Variants in HSD17B7 observed in about 807,000 individuals in gnomAD.
HSD17B7 encodes the protein hydroxysteroid 17-beta dehydrogenase 7, also known as 3-keto-steroid reductase/17-beta-hydroxysteroid dehydrogenase 7.
HSD17B7 carries 17 observed loss-of-function variants against 34.1 expected under a neutral mutation model. That is an observed-to-expected ratio of 0.50 (90% CI 0.34 to 0.75). HSD17B7 has a LOEUF of 0.75. Among genes scored for constraint, HSD17B7 ranks in the 30% least tolerant of loss-of-function variants. The pLI is 0.01. For synonymous variants in HSD17B7, 122 were observed against 154.6 expected (o/e 0.79, Z 1.56); for missense variants, 296 against 406.6 (o/e 0.73, Z 2.34).
chr1:162,796,410 A>G (rs1454267032), intron 2 of HSD17B7, among the ~76,000 whole-genome samples, 175 bp from the exon 3 acceptor site: 1 of 152,190 alleles, frequency 6.6e-6, no homozygotes, highest in Non-Finnish European at 1.5e-5. Flanking sequence ...AAATGCTGTA[A>G]CTCTAATGTG....
At chr1:162,794,242 AG>A (rs746814309) in intron 2 of HSD17B7, among the ~76,000 whole-genome samples, 20 of 152,248 alleles carry the variant, frequency 1.3e-4, no homozygotes, top group Non-Finnish European at 2.6e-4. Context: ...TGAAATGGGT[AG>A]AAACAAGGAA....
chr1:162,808,184 A>G (rs1311427038), intron 8 of HSD17B7, among the ~76,000 whole-genome samples: 1 of 152,184 alleles, frequency 6.6e-6, no homozygotes, highest in East Asian at 1.9e-4. Flanking sequence ...CTTTCTACAT[A>G]TGGCTAGCCA....
At chr1:162,802,431 T>C (rs1371924694) in intron 5 of HSD17B7, among the ~76,000 whole-genome samples, 1 of 152,144 alleles carries the variant, frequency 6.6e-6, no homozygotes, top group Non-Finnish European at 1.5e-5. Context: ...GGATAAGTCT[T>C]AGCTCTTGAC....
chr1:162,805,529 T>C, intron 8 of HSD17B7, 37 bp downstream of exon 8: 1 of 1,604,886 alleles, frequency 6.2e-7, no homozygotes, highest in South Asian at 1.1e-5. Flanking sequence ...ATGTTTGCTG[T>C]TGGGTTGATG....
chr1:162,803,299 A>G lies in HSD17B7; in HGVS notation c.643-132A>G, dbSNP rs1648875687. On this transcript the variant is annotated intron_variant, in intron 5 of 8. Coordinates refer to ENST00000254521, the MANE Select transcript of HSD17B7 (RefSeq NM_016371.4). ...AAACGTTCTACCCAACTTCAGAGAC[A>G]ACTCAGAACATAAATTCTTTATTAC... 8.1e-6 allele frequency: 9 copies of G among 1,114,764 alleles called. 1 individual carries two copies. The South Asian group carries it at 1.6e-4, about 20-fold the overall frequency. The allele number at this position is 1,114,764 out of a possible 1,614,324, so 69.1% of individuals were successfully genotyped here.
At chr1:162,805,281 AG>A (rs1471500971) in intron 7 of HSD17B7, 112 bp from the exon 8 acceptor site, 1 of 1,412,308 alleles carries the variant, frequency 7.1e-7, no homozygotes, top group Non-Finnish European at 9.4e-7. Flanking sequence ...GATATTTGAG[AG>A]GATGTTTATA....
chr1:162,803,312 AATTC>A, intron 5 of HSD17B7, 115 bp from the exon 6 acceptor site: 1 of 1,134,206 alleles, frequency 8.8e-7, no homozygotes, highest in Non-Finnish European at 1.2e-6. Context: ...TCAGAACATA[AATTC>A]TTTATTACCT....
chr1:162,799,996 G>A (rs906641547), intron 5 of HSD17B7, 59 bp downstream of exon 5: 11 of 1,397,938 alleles, frequency 7.9e-6, no homozygotes, highest in African/African-American at 2.9e-5. Flanking sequence ...ATTACCTGCT[G>A]TTGATTTCCT....
intron 8 of HSD17B7, among the ~76,000 whole-genome samples, chr1:162,811,083 G>C (rs2997635): frequency 1.3e-5 from 2 of 152,176 alleles, no homozygotes; most frequent in African/African-American, 4.8e-5. Flanking sequence ...GCAGTGGCTG[G>C]TACCGGTTGT....
intron 8 of HSD17B7, among the ~76,000 whole-genome samples, chr1:162,808,632 C>G (rs1649070244): frequency 6.6e-6 from 1 of 152,204 alleles, no homozygotes; most frequent in African/African-American, 2.4e-5. Flanking sequence ...TTTGTGTCCT[C>G]TTTTATTTCA....
chr1:162,805,584 G>T, intron 8 of HSD17B7, 92 bp downstream of exon 8: 1 of 1,529,858 alleles, frequency 6.5e-7, no homozygotes, highest in Non-Finnish European at 8.8e-7. Context: ...CCCCAGCTTC[G>T]CTTCTCTGGG....
At chr1:162,805,609 C>A in intron 8 of HSD17B7, 117 bp downstream of exon 8, 12 of 1,448,710 alleles carry the variant, frequency 8.3e-6, no homozygotes, top group Non-Finnish European at 1.1e-5. Flanking sequence ...CACTGTTCAC[C>A]AGCATCACAC....
intron 5 of HSD17B7, among the ~76,000 whole-genome samples, chr1:162,801,201 C>T (rs551045463): frequency 1.3e-5 from 2 of 152,310 alleles, no homozygotes; most frequent in South Asian, 2.1e-4. Flanking sequence ...GTCTCGAACT[C>T]CTGACCTCAG....
chr1:162,812,188 C>A, intron 8 of HSD17B7, 110 bp from the exon 9 acceptor site: 2 of 1,383,868 alleles, frequency 1.4e-6, no homozygotes, highest in Non-Finnish European at 1.9e-6. Flanking sequence ...ATGGCCCTTT[C>A]CTGCTGCCTC....
intron 8 of HSD17B7, among the ~76,000 whole-genome samples, chr1:162,808,901 A>G (rs1310918767): frequency 6.6e-6 from 1 of 152,214 alleles, no homozygotes; most frequent in African/African-American, 2.4e-5. Context: ...ATATACAATC[A>G]TGTAATTTGC....
At chr1:162,803,680 A>G in intron 6 of HSD17B7, 145 bp downstream of exon 6, 1 of 986,710 alleles carries the variant, frequency 1.0e-6, no homozygotes. Context: ...TTAATGTGAA[A>G]CCTCTGCTTA....
chr1:162,796,714 A>T (rs1408294092), intron 3 of HSD17B7, 37 bp downstream of exon 3: 1 of 1,242,648 alleles, frequency 8.0e-7, no homozygotes, highest in South Asian at 1.2e-5. Context: ...ATTGGAAGGA[A>T]TGTGTTCATT....
At chr1:162,811,954 C>T (rs1483302829) in intron 8 of HSD17B7, among the ~76,000 whole-genome samples, 1 of 152,182 alleles carries the variant, frequency 6.6e-6, no homozygotes, top group African/African-American at 2.4e-5. Flanking sequence ...AGTGAGTAGC[C>T]ATTAAAAACT....
chr1:162,796,469 T>A (rs1414294178), intron 2 of HSD17B7, 116 bp from the exon 3 acceptor site: 2 of 566,798 alleles, frequency 3.5e-6, no homozygotes, highest in African/African-American at 3.8e-5. Context: ...ATTTAAAAAG[T>A]ATTTTTTGTC....
Sources: gnomAD v4.1 joint callset for allele counts (sites outside exome capture counted in the v4.1 genomes callset) on GRCh38, gnomAD v4.1.1 for gene constraint, MANE v1.5 for transcripts, NCBI Gene and HGNC (gene_info 2026-07-23, HGNC 2026-07-21) for gene names.